Variants in LRRC4C observed in about 807,000 individuals in gnomAD.
LRRC4C encodes leucine rich repeat containing 4C, also known as leucine-rich repeat-containing protein 4C.
A neutral mutation model predicts 33.6 loss-of-function variants in LRRC4C; 5 were observed. The observed-to-expected ratio is 0.15, with a 90% CI of 0.08 to 0.31. The LOEUF (loss-of-function observed/expected upper bound fraction) is 0.31. Ranked by LOEUF, LRRC4C falls within the 10% of genes least tolerant of loss-of-function variation. The pLI is 1.00. For synonymous variants in LRRC4C, 329 were observed against 302.0 expected, an observed-to-expected ratio of 1.09 and a Z score of -0.93; for missense variants, 560 against 796.7, an observed-to-expected ratio of 0.70 and a Z score of 3.58.
At chr11:40,694,305 G>A (rs1945378633) in intron 2 of LRRC4C, among the ~76,000 whole-genome samples, 1 of 152,124 alleles carries the variant, frequency 6.6e-6, no homozygotes, top group Non-Finnish European at 1.5e-5. Flanking sequence ...GACAGCATTG[G>A]AGAAAATAAA....
At chr11:41,431,631 G>T (rs1484490569) in intron 1 of LRRC4C, among the ~76,000 whole-genome samples, 2 of 125,510 alleles carry the variant, frequency 1.6e-5, no homozygotes, top group African/African-American at 2.6e-5. Flanking sequence ...AGATTTCTAA[G>T]AGTGTGTGTG....
At chr11:40,319,161 C>T (rs1945720822) in intron 4 of LRRC4C, among the ~76,000 whole-genome samples, 1 of 152,162 alleles carries the variant, frequency 6.6e-6, no homozygotes, top group South Asian at 2.1e-4. Context: ...TATAGCAGCT[C>T]TTCTGTCCTC....
chr11:40,192,833 C>G (rs1025899726), intron 5 of LRRC4C, among the ~76,000 whole-genome samples: 1 of 152,156 alleles, frequency 6.6e-6, no homozygotes, highest in Admixed American at 6.5e-5. Context: ...AACAAAGCCA[C>G]TGGGAAGTTC....
At position 40,587,487 on chromosome 11, in the gene LRRC4C, C is replaced by T. The variant is rs1174437953; in HGVS notation, c.-270+60655G>A. Among the ~76,000 whole-genome samples, 48 of 142,908 alleles carry T rather than the reference C, an allele frequency of 3.4e-4. 1 individual carries two copies. The South Asian group carries it at 9.3e-3, about 28-fold the overall frequency. The allele number at this position is 142,908 out of a possible 152,430, so 93.8% of individuals were successfully genotyped here. A position where few individuals can be genotyped will look rare whatever the true frequency, so the allele number is the denominator to read the frequency against. The stretch of plus-strand genomic sequence containing the variant: ...TTTATTTCCTTCTCCTGCCTAATTG[C>T]CCTGGCCAGAACTTCCAACACTATG... On this transcript the variant is annotated intron_variant, in intron 3 of 6. Coordinates refer to ENST00000528697, the MANE Select transcript of LRRC4C (RefSeq NM_001258419.2).
At chr11:41,162,846 C>G (rs914423750) in intron 1 of LRRC4C, among the ~76,000 whole-genome samples, 2 of 152,170 alleles carry the variant, frequency 1.3e-5, no homozygotes, top group Non-Finnish European at 2.9e-5. Flanking sequence ...ACACTGTGCA[C>G]TTAAGCTACA....
chr11:40,125,371 G>GA (rs1856141176), intron 6 of LRRC4C, among the ~76,000 whole-genome samples: 2 of 152,112 alleles, frequency 1.3e-5, no homozygotes, highest in East Asian at 3.9e-4. Context: ...AAGAAAAAAT[G>GA]AAAAAATGGA....
intron 3 of LRRC4C, among the ~76,000 whole-genome samples, chr11:40,465,295 A>G (rs1298658769): frequency 6.6e-6 from 1 of 152,064 alleles, no homozygotes; most frequent in African/African-American, 2.4e-5. Context: ...CTCTCAGGAT[A>G]TACAAAAATT....
intron 2 of LRRC4C, among the ~76,000 whole-genome samples, chr11:40,749,974 G>A (rs1279496417): frequency 2.0e-5 from 3 of 152,028 alleles, no homozygotes; most frequent in Non-Finnish European, 2.9e-5. Context: ...AATTAGTAAC[G>A]ACATTGAATC....
At chr11:40,793,069 T>A (rs1950690695) in intron 2 of LRRC4C, among the ~76,000 whole-genome samples, 1 of 152,102 alleles carries the variant, frequency 6.6e-6, no homozygotes, top group East Asian at 1.9e-4. Flanking sequence ...CACACCAACA[T>A]GGCACATGTA....
At chr11:40,130,732 T>G (rs1380789770) in intron 6 of LRRC4C, among the ~76,000 whole-genome samples, 1 of 152,204 alleles carries the variant, frequency 6.6e-6, no homozygotes, top group Non-Finnish European at 1.5e-5. Context: ...CATAGTGCTG[T>G]GCCATTCTGC....
At chr11:40,630,421 CT>C (rs1193168840) in intron 3 of LRRC4C, among the ~76,000 whole-genome samples, 1,167 of 79,750 alleles carry the variant, frequency 0.015, 20 homozygotes, top group South Asian at 0.021. Context: ...TCTTCTTCTT[CT>C]TTTTTTTTTT....
At chr11:40,689,020 C>G (rs1208498276) in intron 2 of LRRC4C, among the ~76,000 whole-genome samples, 3 of 151,846 alleles carry the variant, frequency 2.0e-5, no homozygotes, top group South Asian at 2.1e-4. Flanking sequence ...GATGAGGATA[C>G]TTTTCTTGTA....
chr11:40,140,248 C>T (rs74948215), intron 6 of LRRC4C, among the ~76,000 whole-genome samples: 1,984 of 152,246 alleles, frequency 0.013, 58 homozygotes, highest in African/African-American at 0.046. Context: ...GTGTTCCTGC[C>T]TCCTGCTGCC....
intron 3 of LRRC4C, among the ~76,000 whole-genome samples, chr11:40,544,881 G>T (rs375112276): frequency 2.0e-5 from 3 of 151,836 alleles, no homozygotes; most frequent in African/African-American, 7.3e-5. Flanking sequence ...ATCTAAAAAC[G>T]ATCAAACATT....
intron 1 of LRRC4C, among the ~76,000 whole-genome samples, chr11:40,995,443 T>C (rs1371065446): frequency 6.6e-6 from 1 of 152,080 alleles, no homozygotes; most frequent in Non-Finnish European, 1.5e-5. Flanking sequence ...TAAATCACCA[T>C]GAAAATGGTG....
intron 5 of LRRC4C, among the ~76,000 whole-genome samples, chr11:40,207,941 T>C (rs1176335883): frequency 6.6e-6 from 1 of 152,106 alleles, no homozygotes; most frequent in Non-Finnish European, 1.5e-5. Flanking sequence ...AGTGAAGGAA[T>C]CAACTTCCAG....
Position 41,448,122 on chromosome 11 carries a change from G to GGTTTTTTTTTTTTT in LRRC4C, c.-496+11308_-496+11309insAAAAAAAAAAAAAC, listed in dbSNP as rs1554934483. ...ACAAACGAGGCTGCTGCACACGTCT[G>GGTTTTTTTTTTTTT]TTTTTTTTTTTTTTTTTTTTGGAGC... On this transcript the variant is annotated intron_variant, in intron 1 of 6. Transcript: ENST00000528697. Among the ~76,000 whole-genome samples the GGTTTTTTTTTTTTT allele has an allele frequency of 1.3e-3, 63 of 46,938 alleles. 4 individuals carry two copies. The highest frequency in any genetic ancestry group is 2.3e-3 in the Non-Finnish European group (52 of 22,910). 30.8% of individuals were successfully genotyped at this position (46,938 alleles called of 152,430 possible).
intron 2 of LRRC4C, among the ~76,000 whole-genome samples, chr11:40,710,167 C>A (rs982829128): frequency 6.6e-6 from 1 of 152,112 alleles, no homozygotes; most frequent in Non-Finnish European, 1.5e-5. Context: ...TTTGTTATTA[C>A]CGACTTTCTG....
At chr11:41,415,845 G>C (rs141137907) in intron 1 of LRRC4C, among the ~76,000 whole-genome samples, 1 of 152,136 alleles carries the variant, frequency 6.6e-6, no homozygotes, top group South Asian at 2.1e-4. Context: ...TCTTGGATCA[G>C]AGGAGGAATG....
Sources: allele counts gnomAD v4.1 joint callset (sites outside exome capture counted in the v4.1 genomes callset), GRCh38; gene constraint gnomAD v4.1.1; transcripts MANE v1.5; gene names NCBI Gene and HGNC (gene_info 2026-07-23, HGNC 2026-07-21).